Variants in PRMT2 observed in about 807,000 individuals in gnomAD.
The protein encoded by PRMT2 is protein arginine methyltransferase 2.
A neutral mutation model predicts 57.6 loss-of-function variants in PRMT2; 26 were observed. The observed-to-expected ratio is 0.45, with a 90% CI of 0.33 to 0.63. The LOEUF (loss-of-function observed/expected upper bound fraction) is 0.63, where lower values mean the gene tolerates loss of function less well. PRMT2 is among the 20% of genes least tolerant of loss of function. PRMT2 has a pLI of 0.02. For synonymous variants in PRMT2, 219 were observed against 220.0 expected, an observed-to-expected ratio of 1.00 and a Z score of 0.04; for missense variants, 472 against 564.4, an observed-to-expected ratio of 0.84 and a Z score of 1.66.
chr21:46,662,207 C>T (rs1315403175), intron 10 of PRMT2, among the ~76,000 whole-genome samples: 1 of 152,194 alleles, frequency 6.6e-6, no homozygotes, highest in Non-Finnish European at 1.5e-5. Context: ...GGGAGGAGCT[C>T]CCTGTCTTCC....
Position 46,644,467 on chromosome 21 carries a change from C to T in PRMT2, c.306C>T (p.Tyr102=). ...AGGACACGTGGCAGGATGAAGAGTA[C>T]TTCGGCAGCTATGGAACTCTGGTAT... is the stretch of plus-strand genomic sequence containing the variant. The part of the protein sequence containing the change: ...DPEDTWQDEE[Y]FGSYGTLKLH... Residue 102 remains tyrosine (Y), a synonymous_variant, in exon 5 of 12, where the codon TAC becomes TAT. Coordinates refer to ENST00000355680, the MANE Select transcript of PRMT2 (RefSeq NM_206962.4). 1 of 1,586,726 alleles carries T rather than the reference C, an allele frequency of 6.3e-7. No homozygotes were observed. The highest frequency in any genetic ancestry group is 8.6e-7 in the Non-Finnish European group (1 of 1,168,222).
chr21:46,659,203 A>T (rs1485303281), intron 8 of PRMT2: 1 of 1,158,550 alleles, frequency 8.6e-7, no homozygotes, highest in Non-Finnish European at 1.1e-6. Flanking sequence ...TCAGCAAATT[A>T]TTCTGGAGCA....
At position 46,643,714 on chromosome 21, in the gene PRMT2, G is replaced by A. The variant is rs577611572; in HGVS notation, c.144+75G>A. The A allele has an allele frequency of 1.9e-4, 283 of 1,492,260 alleles. 1 individual carries two copies. In the African/African-American group the frequency reaches 2.6e-3, roughly 14 times the overall value. 92.4% of individuals were successfully genotyped at this position (1,492,260 alleles called of 1,614,324 possible). A position where few individuals can be genotyped will look rare whatever the true frequency, so the allele number is the denominator to read the frequency against. On this transcript the variant is annotated intron_variant, in intron 4 of 11. Transcript: ENST00000355680. The stretch of plus-strand genomic sequence containing the variant: ...TCAAAAGGAGATAAATTTTGCAGAC[G>A]TCACACCAAAGTTAAATGAAGAGGT...
At position 46,663,569 on chromosome 21, in the gene PRMT2, TG is replaced by T. The variant is rs1277948891; in HGVS notation, c.1269+16del. 4.3e-6 allele frequency: 7 copies of T among 1,610,752 alleles called. No homozygotes were observed. The highest frequency in any genetic ancestry group is 5.9e-6 in the Non-Finnish European group (7 of 1,177,466). Reference sequence around the variant, plus strand: ...CATCTCAAAAAGTAAGATACGTAGTTGTAAGATTCTGTCCTGTGGGTGCCGG... The same window carrying T: ...CATCTCAAAAAGTAAGATACGTAGTTTAAGATTCTGTCCTGTGGGTGCCGG... On this transcript the variant is annotated intron_variant, in intron 11 of 11. Transcript: ENST00000355680.
intron 8 of PRMT2, chr21:46,660,147 T>C: frequency 1.0e-6 from 1 of 977,392 alleles, no homozygotes; most frequent in Non-Finnish European, 1.2e-6. Context: ...ATTTGCTATT[T>C]CAGAAGTTAC....
chr21:46,652,227 T>A (rs1311351663), intron 7 of PRMT2: 1 of 1,374,772 alleles, frequency 7.3e-7, no homozygotes, highest in African/African-American at 1.5e-5. Flanking sequence ...AACAAAAAAA[T>A]TGCTACAAGT....
rs186365975 is a variant in PRMT2 at position 46,649,833 on chromosome 21, C to T, written c.654+94C>T. The T allele has an allele frequency of 2.7e-5, 41 of 1,538,816 alleles. 1 individual carries two copies. In the Admixed American group the frequency reaches 5.3e-4, roughly 20 times the overall value. ...CAACCTCAGGATCTCAAGGGTCGTG[C>T]GTGATTCATTTTGATGTTTTCCCTA... On this transcript the variant is annotated intron_variant, in intron 7 of 11. Transcript: ENST00000355680. This position sits in a 1 kb window ranked among gnomAD's most constrained non-coding sequence, Gnocchi z 4.8.
Position 46,649,813 on chromosome 21 carries a change from T to G in PRMT2, c.654+74T>G. 1 of 1,563,234 alleles carries G rather than the reference T, an allele frequency of 6.4e-7. No homozygotes were observed. On this transcript the variant is annotated intron_variant, in intron 7 of 11. Transcript: ENST00000355680. This position sits in a 1 kb window ranked among gnomAD's most constrained non-coding sequence, Gnocchi z 4.8. ...GAGCACGGGCTCGGCTGGGCCAACC[T>G]CAGGATCTCAAGGGTCGTGCGTGAT...
At chr21:46,647,239 T>C (rs533432873) in intron 5 of PRMT2, among the ~76,000 whole-genome samples, 2 of 152,334 alleles carry the variant, frequency 1.3e-5, no homozygotes, top group Admixed American at 1.3e-4. Context: ...TTTTTTCTTT[T>C]TTTGTAAACT....
chr21:46,652,088 G>A, intron 7 of PRMT2: 1 of 1,564,008 alleles, frequency 6.4e-7, no homozygotes, highest in Non-Finnish European at 8.6e-7. Flanking sequence ...AGTCAGTGCA[G>A]CAAGGGCATG....
intron 3 of PRMT2, among the ~76,000 whole-genome samples, chr21:46,641,883 G>T (rs2061282658): frequency 6.6e-6 from 1 of 152,060 alleles, no homozygotes; most frequent in African/African-American, 2.4e-5. Flanking sequence ...GGGCAGTGCT[G>T]CCTTAGAGTG....
rs897198191 is a variant in PRMT2, at chr21:46,648,345, T to C, written c.328-113T>C. ...TGTCCAGGCCTTCCATAGTCTTCCA[T>C]AGGGGTGTTGGGGTCAGGGGTCATC... On this transcript the variant is annotated intron_variant, in intron 5 of 11. Transcript: ENST00000355680. The surrounding 1 kb of genome is among the most constrained non-coding windows in gnomAD (Gnocchi z 4.8). 9.1e-7 allele frequency: 1 copy of C among 1,102,414 alleles called. No homozygotes were observed. Among genetic ancestry groups the C allele is most frequent in the South Asian group, 1.5e-5 (1 of 68,230 alleles). 68.3% of individuals were successfully genotyped at this position (1,102,414 alleles called of 1,614,324 possible). A position where few individuals can be genotyped will look rare whatever the true frequency, so the allele number is the denominator to read the frequency against.
chr21:46,654,717 G>A (rs1370458541), intron 7 of PRMT2: 1 of 158,114 alleles, frequency 6.3e-6, no homozygotes, highest in Non-Finnish European at 1.4e-5. Flanking sequence ...TTAGGTAGAA[G>A]TAATCTAGAG....
chr21:46,659,194 CAGCAAATTATTCTGG>C (rs1264288867), intron 8 of PRMT2: 1 of 1,177,240 alleles, frequency 8.5e-7, no homozygotes, highest in African/African-American at 1.6e-5. Flanking sequence ...AGGGCCAAGT[CAGCAAATTATTCTGG>C]AGCAGTTGAT....
intron 7 of PRMT2, 139 bp from the exon 8 acceptor site, chr21:46,658,606 G>A (rs1490149436): frequency 7.6e-6 from 11 of 1,443,284 alleles, no homozygotes; most frequent in Admixed American, 7.5e-5. Flanking sequence ...CTCTTGCATG[G>A]TACACTGGCC....
rs967530024 is a variant in PRMT2 at position 46,649,474 on chromosome 21, T to G, written c.490-101T>G. ...TGTCTGGAATGCTGCTTCCCTCTTG[T>G]GTCATTGACCATTTCTCGTGATGCT... On this transcript the variant is annotated intron_variant, in intron 6 of 11. Transcript: ENST00000355680. The surrounding 1 kb of genome is among the most constrained non-coding windows in gnomAD (Gnocchi z 4.8). The G allele has an allele frequency of 6.4e-7, 1 of 1,567,174 alleles. No homozygotes were observed. The highest frequency in any genetic ancestry group is 1.4e-5 in the African/African-American group (1 of 73,900).
Position 46,661,789 on chromosome 21 carries a change from G to T in PRMT2, c.961-11G>T. The T allele has an allele frequency of 1.4e-6, 2 of 1,381,566 alleles. No individual in the cohort carries two copies. The highest frequency in any genetic ancestry group is 1.9e-6 in the Non-Finnish European group (2 of 1,055,662). The allele number at this position is 1,381,566 out of a possible 1,614,324, so 85.6% of individuals were successfully genotyped here. A position where few individuals can be genotyped will look rare whatever the true frequency, so the allele number is the denominator to read the frequency against. On this transcript the variant is annotated splice_polypyrimidine_tract_variant and intron_variant, in intron 9 of 11. Transcript: ENST00000355680. ...GGTGCCCACGCGTGCCTTGTCATCT[G>T]CTTGACCCAGACCCTGAGGGGCGAG... is the stretch of plus-strand genomic sequence containing the variant.
chr21:46,647,197 A>G (rs559563235), intron 5 of PRMT2, among the ~76,000 whole-genome samples: 13 of 152,118 alleles, frequency 8.5e-5, no homozygotes, highest in African/African-American at 3.1e-4. Context: ...AGTAAGATTG[A>G]TTATCTTTTA....
chr21:46,638,788 C>CT (rs1309142442), intron 3 of PRMT2, among the ~76,000 whole-genome samples: 1 of 152,090 alleles, frequency 6.6e-6, no homozygotes, highest in Non-Finnish European at 1.5e-5. Flanking sequence ...TGTTTTATCT[C>CT]TTTTTTTCAC....
Sources: gnomAD v4.1 joint callset for allele counts (sites outside exome capture counted in the v4.1 genomes callset) on GRCh38, gnomAD v4.1.1 for gene constraint, Gnocchi (gnomAD v3.1) non-coding constraint, MANE v1.5 for transcripts, NCBI Gene and HGNC (gene_info 2026-07-23, HGNC 2026-07-21) for gene names.